Variants in DOP1A observed in about 807,000 individuals in gnomAD.
DOP1A encodes protein DOP1A.
Under a neutral mutation model 267.6 loss-of-function variants are expected in DOP1A, and 90 were observed. The observed-to-expected ratio is 0.34, with a 90% CI of 0.28 to 0.40. The LOEUF (loss-of-function observed/expected upper bound fraction) is 0.40, where lower values mean the gene tolerates loss of function less well. DOP1A is among the 10% of genes least tolerant of loss of function. The probability of loss-of-function intolerance (pLI) is 1.00; values close to 1 mark genes in which losing one functional copy is unlikely to be tolerated. For missense variants in DOP1A, 2,437 were observed against 2,900.4 expected (o/e 0.84, Z 3.67); for synonymous variants, 932 against 999.1 (o/e 0.93, Z 1.27).
chr6:83,168,371 G>A lies in DOP1A; in HGVS notation c.*204G>A. ...ATATTGTTGGCTCATACTGATTATG[G>A]TGCCTAAGAGAGCTATATATATACA... On this transcript the variant is annotated 3_prime_UTR_variant, in exon 39 of 39. Coordinates refer to ENST00000349129, the MANE Select transcript of DOP1A (RefSeq NM_015018.4). The A allele has an allele frequency of 7.3e-7, 1 of 1,377,534 alleles. No individual in the cohort carries two copies. Among genetic ancestry groups the A allele is most frequent in the Non-Finnish European group, 9.4e-7 (1 of 1,068,494 alleles). 85.3% of individuals were successfully genotyped at this position (1,377,534 alleles called of 1,614,324 possible).
intron 4 of DOP1A, among the ~76,000 whole-genome samples, chr6:83,104,476 C>G (rs1773210133): frequency 6.6e-6 from 1 of 151,988 alleles, no homozygotes; most frequent in South Asian, 2.1e-4. Flanking sequence ...TAGAGAATGG[C>G]TATGATTTTA....
chr6:83,087,308 T>A (rs1294012505), intron 1 of DOP1A, among the ~76,000 whole-genome samples: 1 of 152,116 alleles, frequency 6.6e-6, no homozygotes, highest in Non-Finnish European at 1.5e-5. Context: ...AAGGAAACAG[T>A]GGGTTAGGAT....
Position 83,125,672 on chromosome 6 carries a change from G to T in DOP1A, c.1658G>T (p.Gly553Val). 6.2e-7 allele frequency: 1 copy of T among 1,613,686 alleles called. No individual in the cohort carries two copies. The highest frequency in any genetic ancestry group is 8.5e-7 in the Non-Finnish European group (1 of 1,179,740). The change falls in exon 15 of 39, where the codon GGA becomes GTA. Residue 553 changes from glycine to valine, a missense_variant. Physicochemically the swap from Gly to Val is moderately radical, Grantham distance 109. Around this residue, in one of 9 missense-constraint regions of DOP1A, gnomAD observed 498 missense variants for 513.5 expected, o/e 0.97. Transcript: ENST00000349129. ...CCTCCACTGTTATCTGCTAGCACTG[G>T]AGGTGTTTTGCAGTTTCCAAGTGGG... is the stretch of plus-strand genomic sequence containing the variant. ...VQPPLLSAST[G>V]GVLQFPSGQN...
intron 5 of DOP1A, 37 bp downstream of exon 5, chr6:83,109,117 C>A: frequency 1.3e-6 from 2 of 1,586,094 alleles, no homozygotes; most frequent in South Asian, 1.1e-5. Context: ...TAATTGAAGT[C>A]ATGGATTTGT....
At chr6:83,116,425 T>C (rs925146982) in intron 7 of DOP1A, among the ~76,000 whole-genome samples, 3 of 152,204 alleles carry the variant, frequency 2.0e-5, no homozygotes, top group African/African-American at 2.4e-5. Context: ...TTTATTACTA[T>C]TGCCACTGAT....
At chr6:83,161,419 ATAAATT>A (rs1227199771) in intron 37 of DOP1A, among the ~76,000 whole-genome samples, 1 of 152,196 alleles carries the variant, frequency 6.6e-6, no homozygotes, top group East Asian at 1.9e-4. Flanking sequence ...TTTACTGTAT[ATAAATT>A]TAAAAGTATC....
At chr6:83,121,559 C>A (rs921923171) in intron 10 of DOP1A, among the ~76,000 whole-genome samples, 2 of 151,608 alleles carry the variant, frequency 1.3e-5, no homozygotes, top group African/African-American at 4.8e-5. Context: ...AACTATGCTA[C>A]CCATCTTACA....
At position 83,142,345 on chromosome 6, in the gene DOP1A, T is replaced by G. The variant is rs548782942; in HGVS notation, c.5541+299T>G. Among the ~76,000 whole-genome samples, 4 of 151,970 alleles carry G rather than the reference T, an allele frequency of 2.6e-5. No homozygotes were observed. The East Asian group carries it at 5.8e-4, about 22-fold the overall frequency. On this transcript the variant is annotated intron_variant, in intron 24 of 38. Transcript: ENST00000349129. ...CAACATAGTGAAACCCCGTCTCTAC[T>G]AAAAATACAAAAATTAGCCAGGCAT...
intron 6 of DOP1A, among the ~76,000 whole-genome samples, chr6:83,112,869 A>G (rs1774804271): frequency 6.6e-6 from 1 of 152,218 alleles, no homozygotes; most frequent in African/African-American, 2.4e-5. Flanking sequence ...TTGCAACATT[A>G]TTTACAGTAG....
At chr6:83,132,513 T>TA (rs1335946042) in intron 18 of DOP1A, among the ~76,000 whole-genome samples, 185 bp downstream of exon 18, 13 of 152,120 alleles carry the variant, frequency 8.5e-5, no homozygotes, top group Non-Finnish European at 1.3e-4. Context: ...TAGAGGAAAG[T>TA]TCTTTACAAA....
At chr6:83,071,806 T>C (rs562079812) in intron 1 of DOP1A, among the ~76,000 whole-genome samples, 1 of 152,336 alleles carries the variant, frequency 6.6e-6, no homozygotes, top group South Asian at 2.1e-4. Context: ...GTTACTGATG[T>C]TACATCCTAC....
intron 23 of DOP1A, 104 bp from the exon 24 acceptor site, chr6:83,141,814 AACC>A: frequency 9.0e-7 from 1 of 1,116,090 alleles, no homozygotes; most frequent in Non-Finnish European, 1.2e-6. Flanking sequence ...TAGATAGTAA[AACC>A]TATAAGTACT....
chr6:83,138,422 C>T lies in DOP1A; in HGVS notation c.4380C>T (p.Cys1460=). ...ACATAGAAATTCTTATTTCTCTCTGCTTATATTACATGCGTAGCCATTACC... is the reference window on the plus strand; with the variant it reads ...ACATAGAAATTCTTATTTCTCTCTGTTTATATTACATGCGTAGCCATTACC... ...SMYIEILISL[C]LYYMRSHYPT... The change falls in exon 21 of 39, where the codon TGC becomes TGT. Residue 1460 remains cysteine (C), a synonymous_variant. Transcript: ENST00000349129. 7.4e-6 allele frequency: 12 copies of T among 1,611,746 alleles called. No individual in the cohort carries two copies. Among genetic ancestry groups the T allele is most frequent in the South Asian group, 1.1e-5 (1 of 91,062 alleles).
At chr6:83,103,190 C>T (rs1772919532) in intron 4 of DOP1A, among the ~76,000 whole-genome samples, 1 of 152,108 alleles carries the variant, frequency 6.6e-6, no homozygotes, top group Admixed American at 6.5e-5. Flanking sequence ...TTCACAGTAA[C>T]CTGAATGGAA....
chr6:83,079,574 A>G (rs1767720746), intron 1 of DOP1A, among the ~76,000 whole-genome samples: 1 of 152,188 alleles, frequency 6.6e-6, no homozygotes, highest in African/African-American at 2.4e-5. Context: ...TAGTAAGTTA[A>G]TAGCATACTA....
At position 83,137,693 on chromosome 6, in the gene DOP1A, G is replaced by C. The variant is rs1779065587; in HGVS notation, c.3651G>C (p.Leu1217=). The change falls in exon 21 of 39, where the codon CTG becomes CTC. Residue 1217 remains leucine (L), a synonymous_variant. Transcript: ENST00000349129. ...TGAGTAATGAAAGTTCTCAGTTTCT[G>C]TCTGTGTCTGCAGAGGGAGGCCATG... The part of the protein sequence containing the change: ...ALLSNESSQF[L]SVSAEGGHEC... 6.2e-7 allele frequency: 1 copy of C among 1,613,586 alleles called. No individual in the cohort carries two copies. Among genetic ancestry groups the C allele is most frequent in the Non-Finnish European group, 8.5e-7 (1 of 1,179,784 alleles).
intron 7 of DOP1A, 138 bp from the exon 8 acceptor site, chr6:83,118,750 A>AAT (rs1231821733): frequency 7.4e-6 from 4 of 537,418 alleles, no homozygotes; most frequent in East Asian, 6.1e-5. Flanking sequence ...TGGAAGTAAT[A>AAT]TCCTGTGTTT....
At chr6:83,080,465 T>G (rs983961461) in intron 1 of DOP1A, among the ~76,000 whole-genome samples, 1 of 152,194 alleles carries the variant, frequency 6.6e-6, no homozygotes, top group African/African-American at 2.4e-5. Flanking sequence ...AGGAATTATA[T>G]CTCCCTTTGC....
intron 24 of DOP1A, among the ~76,000 whole-genome samples, chr6:83,144,203 CAG>C (rs764282984): frequency 5.3e-5 from 8 of 152,086 alleles, no homozygotes; most frequent in Non-Finnish European, 7.4e-5. Flanking sequence ...ATGAAGAAGA[CAG>C]GGGATCCAAG....
Sources: allele counts gnomAD v4.1 joint callset (sites outside exome capture counted in the v4.1 genomes callset), GRCh38; gene constraint gnomAD v4.1.1; regional missense constraint gnomAD v4.1.1; transcripts MANE v1.5; gene names NCBI Gene and HGNC (gene_info 2026-07-23, HGNC 2026-07-21).